SNX14: variants seen among roughly 807,000 people sequenced by gnomAD.
SNX14 encodes the protein sorting nexin-14.
Under a neutral mutation model 133.8 loss-of-function variants are expected in SNX14, and 93 were observed. The ratio of observed to expected loss-of-function variants is 0.70; its 90% CI spans 0.59 to 0.83. The LOEUF (loss-of-function observed/expected upper bound fraction) is 0.83, where lower values mean the gene tolerates loss of function less well. Among genes scored for constraint, SNX14 ranks in the 40% least tolerant of loss-of-function variants. The pLI, the probability that SNX14 is intolerant of heterozygous loss-of-function variation, is 0.00. For synonymous variants in SNX14, 368 were observed against 365.6 expected (o/e 1.01, Z -0.07); for missense variants, 945 against 1,094.9 (o/e 0.86, Z 1.93).
chr6:85,580,757 G>C (rs1361241106), intron 1 of SNX14, among the ~76,000 whole-genome samples: 4 of 152,172 alleles, frequency 2.6e-5, no homozygotes, highest in Admixed American at 6.5e-5. Flanking sequence ...GACACGGAGA[G>C]AGGCTCTTTT....
At chr6:85,589,606 C>G (rs1383026338) in intron 1 of SNX14, 1 of 152,212 alleles carries the variant, frequency 6.6e-6, no homozygotes, top group African/African-American at 2.4e-5. Context: ...TATGTTAATT[C>G]CTCTGGTGTG....
chr6:85,544,019 A>G (rs1449825444), intron 12 of SNX14, among the ~76,000 whole-genome samples: 2 of 152,170 alleles, frequency 1.3e-5, no homozygotes, highest in Non-Finnish European at 2.9e-5. Context: ...TCAAAACACT[A>G]AACACACTTC....
In SNX14 at chr6:85,560,786, C is replaced by A; in HGVS notation, c.550-2726G>T. ...CAGTGGCTCACACCTGTAATCCCAG[C>A]ACTTTGGGAGACCGAGGTGGGTGAA... On this transcript the variant is annotated intron_variant, in intron 6 of 28. Transcript: ENST00000314673. 1.3e-5 allele frequency among the ~76,000 whole-genome samples: 2 copies of A among 152,140 alleles called. 1 individual carries two copies. Among genetic ancestry groups the A allele is most frequent in the East Asian group, 3.8e-4 (2 of 5,204 alleles).
chr6:85,549,143 C>T (rs1786870765), intron 8 of SNX14, among the ~76,000 whole-genome samples: 1 of 151,284 alleles, frequency 6.6e-6, no homozygotes, highest in African/African-American at 2.4e-5. Flanking sequence ...TTTTTAAGAA[C>T]CACATAAAAA....
intron 23 of SNX14, among the ~76,000 whole-genome samples, chr6:85,515,402 TG>T (rs908223632): frequency 2.8e-5 from 4 of 142,810 alleles, no homozygotes; most frequent in African/African-American, 5.2e-5. Context: ...AATGTTGGGG[TG>T]GGGGGGAACT....
chr6:85,582,980 T>C, intron 1 of SNX14, among the ~76,000 whole-genome samples: 1 of 152,070 alleles, frequency 6.6e-6, no homozygotes, highest in East Asian at 1.9e-4. Flanking sequence ...AAAAGAAAAT[T>C]TCAGGCCAAT....
intron 9 of SNX14, 90 bp from the exon 10 acceptor site, chr6:85,547,640 T>C: frequency 8.7e-7 from 1 of 1,143,198 alleles, no homozygotes; most frequent in Non-Finnish European, 1.2e-6. Flanking sequence ...TATGTAAGTT[T>C]CTAGAAAAAT....
In SNX14 at chr6:85,535,877, C is replaced by T. The variant is rs1282279676; in HGVS notation, c.1608+915G>A. On this transcript the variant is annotated intron_variant, in intron 17 of 28. Coordinates refer to ENST00000314673, the MANE Select transcript of SNX14 (RefSeq NM_153816.6). ...GTACTAAACACCCCTTTTATACCCA[C>T]GTTAGTGAATTTCTTAAAGCCGAGG... Among the ~76,000 whole-genome samples, 4 of 152,056 alleles carry T rather than the reference C, an allele frequency of 2.6e-5. No homozygotes were observed. The South Asian group carries it at 6.2e-4, about 24-fold the overall frequency.
chr6:85,576,763 C>G (rs1446696367), intron 1 of SNX14, among the ~76,000 whole-genome samples: 2 of 152,226 alleles, frequency 1.3e-5, no homozygotes, highest in Non-Finnish European at 2.9e-5. Flanking sequence ...TCTGCACTTA[C>G]AAAACCTTCC....
chr6:85,593,084 T>A (rs1457549751), intron 1 of SNX14, among the ~76,000 whole-genome samples: 3 of 152,194 alleles, frequency 2.0e-5, no homozygotes, highest in Admixed American at 2.0e-4. Flanking sequence ...AACAAATCTT[T>A]ATGATCGTCT....
At chr6:85,526,870 A>T (rs779805357) in intron 20 of SNX14, among the ~76,000 whole-genome samples, 1 of 152,158 alleles carries the variant, frequency 6.6e-6, no homozygotes, top group Non-Finnish European at 1.5e-5. Context: ...GGAGTTCGAG[A>T]CCAGCCTAGC....
chr6:85,543,863 T>C, intron 12 of SNX14, 103 bp from the exon 13 acceptor site: 1 of 582,896 alleles, frequency 1.7e-6, no homozygotes. Context: ...CAGCAGCAAT[T>C]AGAAGCAATC....
intron 7 of SNX14, among the ~76,000 whole-genome samples, chr6:85,555,516 G>A (rs1390153292): frequency 2.0e-5 from 3 of 152,144 alleles, no homozygotes; most frequent in East Asian, 3.8e-4. Flanking sequence ...TTCTGGAAAC[G>A]TCAAAACTGT....
At chr6:85,507,572 C>CA (rs1440267886) in intron 27 of SNX14, among the ~76,000 whole-genome samples, 11 of 152,196 alleles carry the variant, frequency 7.2e-5, no homozygotes, top group South Asian at 4.1e-4. Context: ...AACAAGAACA[C>CA]AAAATCACAA....
At chr6:85,534,755 CT>C (rs1411747212) in intron 17 of SNX14, among the ~76,000 whole-genome samples, 2 of 149,924 alleles carry the variant, frequency 1.3e-5, no homozygotes, top group African/African-American at 4.9e-5. Context: ...CGGTTAAATA[CT>C]TTTGTTATAA....
At chr6:85,507,352 G>T in intron 27 of SNX14, 63 bp from the exon 28 acceptor site, 1 of 1,341,186 alleles carries the variant, frequency 7.5e-7, no homozygotes, top group South Asian at 1.3e-5. Context: ...CCATAAAAAT[G>T]ATACACACAA....
chr6:85,565,477 T>C, intron 5 of SNX14, 58 bp from the exon 6 acceptor site: 1 of 1,309,124 alleles, frequency 7.6e-7, no homozygotes, highest in Non-Finnish European at 1.1e-6. Flanking sequence ...TTTCACCTTC[T>C]ACAATCCAAG....
Position 85,565,478 on chromosome 6 carries a change from A to G in SNX14, c.462-59T>C, listed in dbSNP as rs150145377. 3.3e-4 allele frequency: 425 copies of G among 1,295,808 alleles called. 3 individuals are homozygous for G. In the African/African-American group the frequency reaches 4.3e-3, roughly 13 times the overall value. 80.3% of individuals were successfully genotyped at this position (1,295,808 alleles called of 1,614,324 possible). ...TCAGAGAAATACAGTTTCACCTTCT[A>G]CAATCCAAGGGAAAATTTTCCTTTT... On this transcript the variant is annotated intron_variant, in intron 5 of 28. Transcript: ENST00000314673.
rs377314740 is a variant in SNX14, at chr6:85,538,871, T to C, written c.1449-7A>G. 35 of 1,594,066 alleles carry C rather than the reference T, an allele frequency of 2.2e-5. No homozygotes were observed. The highest frequency in any genetic ancestry group is 2.6e-5 in the Non-Finnish European group (30 of 1,171,776). ...ATCCAAACTTAGGCTACCTCTGCAATAACAGGTATGTGAAATAATATAAGG... is the reference window on the plus strand; with the variant it reads ...ATCCAAACTTAGGCTACCTCTGCAACAACAGGTATGTGAAATAATATAAGG... On this transcript the variant is annotated splice_region_variant and splice_polypyrimidine_tract_variant and intron_variant, in intron 15 of 28. Coordinates refer to ENST00000314673, the MANE Select transcript of SNX14 (RefSeq NM_153816.6).
Sources: gnomAD v4.1 joint callset for allele counts (sites outside exome capture counted in the v4.1 genomes callset) on GRCh38, gnomAD v4.1.1 for gene constraint, MANE v1.5 for transcripts, NCBI Gene and HGNC (gene_info 2026-07-23, HGNC 2026-07-21) for gene names.